Variants in CREB3L2 observed in about 807,000 individuals in gnomAD.
CREB3L2 encodes the protein cyclic AMP-responsive element-binding protein 3-like protein 2.
Under a neutral mutation model 57.2 loss-of-function variants are expected in CREB3L2, and 23 were observed. The observed-to-expected ratio is 0.40, with a 90% CI of 0.29 to 0.57. The LOEUF (loss-of-function observed/expected upper bound fraction) is 0.57, where lower values mean the gene tolerates loss of function less well. CREB3L2 is among the 20% of genes least tolerant of loss of function. The probability of loss-of-function intolerance (pLI) is 0.42; values close to 1 mark genes in which losing one functional copy is unlikely to be tolerated. For missense variants in CREB3L2, 628 were observed against 634.7 expected, an observed-to-expected ratio of 0.99 and a Z score of 0.11; for synonymous variants, 268 against 265.1, an observed-to-expected ratio of 1.01 and a Z score of -0.11.
chr7:137,878,053 G>A lies in CREB3L2; in HGVS notation c.*2423C>T, dbSNP rs79222065. 7.5e-4 allele frequency: 171 copies of A among 229,236 alleles called. 1 individual carries two copies. The highest frequency in any genetic ancestry group is 3.3e-3 in the African/African-American group (147 of 45,184). The allele number at this position is 229,236 out of a possible 1,614,324, so 14.2% of individuals were successfully genotyped here. A position where few individuals can be genotyped will look rare whatever the true frequency, so the allele number is the denominator to read the frequency against. On this transcript the variant is annotated 3_prime_UTR_variant, in exon 12 of 12. Coordinates refer to ENST00000330387, the MANE Select transcript of CREB3L2 (RefSeq NM_194071.4). ...GGGCCATCTGAGCTCTCTGCCTAAC[G>A]TCCCATTGTCTACATAGATTCCGTT...
chr7:137,903,790 C>A (rs1412015025), intron 7 of CREB3L2, among the ~76,000 whole-genome samples, 169 bp downstream of exon 7: 1 of 152,182 alleles, frequency 6.6e-6, no homozygotes, highest in Non-Finnish European at 1.5e-5. Context: ...TTATTATAGA[C>A]GTCTCCTCCA....
At chr7:137,886,822 GCT>G (rs1468866510) in intron 8 of CREB3L2, among the ~76,000 whole-genome samples, 1 of 152,004 alleles carries the variant, frequency 6.6e-6, no homozygotes, top group African/African-American at 2.4e-5. Context: ...TATATACTCT[GCT>G]CTGTGTGACA....
At chr7:137,933,301 C>T (rs1800698086) in intron 1 of CREB3L2, among the ~76,000 whole-genome samples, 2 of 152,226 alleles carry the variant, frequency 1.3e-5, no homozygotes, top group African/African-American at 4.8e-5. Context: ...GGTCAAGTCC[C>T]GATCTGCTGT....
At chr7:137,924,517 A>T (rs1486186694) in intron 2 of CREB3L2, among the ~76,000 whole-genome samples, 2 of 152,254 alleles carry the variant, frequency 1.3e-5, no homozygotes, top group African/African-American at 4.8e-5. Flanking sequence ...GTGGTGAGGT[A>T]CAAGACTTGG....
intron 2 of CREB3L2, among the ~76,000 whole-genome samples, chr7:137,927,367 A>C (rs560388857): frequency 6.9e-6 from 1 of 144,256 alleles, no homozygotes; most frequent in East Asian, 2.1e-4. Context: ...AAAAAGAAGA[A>C]AGAAAAGAGA....
At chr7:137,946,774 C>CTATATAGTTATCTATATAGTTA (rs1563262168) in intron 1 of CREB3L2, among the ~76,000 whole-genome samples, 1 of 31,992 alleles carries the variant, frequency 3.1e-5, no homozygotes, top group Non-Finnish European at 6.8e-5. Context: ...GTTTAGTTAT[C>CTATATAGTTATCTATATAGTTA]TATATAGTTA....
rs1196026057 is a variant in CREB3L2, at chr7:137,928,283, C to A, written c.186G>T (p.Val62=). ...TCGGGGAAGGTTCCACCTCCATTGA[C>A]ACACTCTTCTCTGAGAGGAAAGGAT... is the stretch of plus-strand genomic sequence containing the variant. The part of the protein sequence containing the change: ...LNDPFLSEKS[V]SMEVEPSPTS... Residue 62 remains valine, a synonymous_variant, in exon 2 of 12, where the codon GTG becomes GTT. Transcript: ENST00000330387. The A allele has an allele frequency of 4.3e-6, 7 of 1,614,152 alleles. No individual in the cohort carries two copies. Among genetic ancestry groups the A allele is most frequent in the East Asian group, 2.2e-5 (1 of 44,880 alleles).
chr7:137,953,555 G>A (rs1801144680), intron 1 of CREB3L2: 5 of 1,275,162 alleles, frequency 3.9e-6, no homozygotes, highest in Non-Finnish European at 5.1e-6. Flanking sequence ...GGGGAGAGTT[G>A]GGTGGGTGAT....
chr7:137,958,941 A>G (rs1366782599), intron 1 of CREB3L2, among the ~76,000 whole-genome samples: 1 of 152,254 alleles, frequency 6.6e-6, no homozygotes, highest in African/African-American at 2.4e-5. Context: ...GTAAAAACTT[A>G]AGTAATTCTT....
At chr7:137,907,929 A>G (rs945301819) in intron 5 of CREB3L2, among the ~76,000 whole-genome samples, 1 of 152,250 alleles carries the variant, frequency 6.6e-6, no homozygotes. Flanking sequence ...AAATTAATGC[A>G]AATATTTATG....
At chr7:137,889,059 A>T (rs1428871671) in intron 8 of CREB3L2, among the ~76,000 whole-genome samples, 1 of 148,656 alleles carries the variant, frequency 6.7e-6, no homozygotes, top group East Asian at 1.9e-4. Context: ...CCCATCCCCT[A>T]CCCCTTGCCT....
chr7:137,928,095 A>C, intron 2 of CREB3L2, 55 bp downstream of exon 2: 2 of 1,359,490 alleles, frequency 1.5e-6, no homozygotes, highest in Non-Finnish European at 2.1e-6. Context: ...CACACCCTCA[A>C]GAGCTCAGAA....
intron 1 of CREB3L2, among the ~76,000 whole-genome samples, chr7:137,984,808 C>T (rs1267364971): frequency 6.6e-6 from 1 of 152,192 alleles, no homozygotes; most frequent in Non-Finnish European, 1.5e-5. Context: ...AAAGAACAAA[C>T]TTCTCCATGA....
chr7:137,960,805 A>ATTT (rs1338965683), intron 1 of CREB3L2, among the ~76,000 whole-genome samples: 1 of 81,960 alleles, frequency 1.2e-5, no homozygotes. Context: ...AAACTAAATT[A>ATTT]TTTCTTTTTT....
At chr7:137,937,036 G>A (rs1800799285) in intron 1 of CREB3L2, among the ~76,000 whole-genome samples, 1 of 152,150 alleles carries the variant, frequency 6.6e-6, no homozygotes, top group Non-Finnish European at 1.5e-5. Context: ...AGAGGCCCAA[G>A]GCCTGCCGGG....
rs76168717 is a variant in CREB3L2 at position 137,966,655 on chromosome 7, A to G, written c.102+34949T>C. Among the ~76,000 whole-genome samples, 1,168 of 152,346 alleles carry G rather than the reference A, an allele frequency of 7.7e-3. 16 individuals carry two copies. Among genetic ancestry groups the G allele is most frequent in the African/African-American group, 0.026 (1,095 of 41,586 alleles). ...TCATGCCTCTCAAATAAAAATAATAAGGAAATTTTAAAAAGAAAAATCGTA... is the reference window on the plus strand; with the variant it reads ...TCATGCCTCTCAAATAAAAATAATAGGGAAATTTTAAAAAGAAAAATCGTA... On this transcript the variant is annotated intron_variant, in intron 1 of 11. Coordinates refer to ENST00000330387, the MANE Select transcript of CREB3L2 (RefSeq NM_194071.4).
chr7:137,995,023 T>C (rs1332397069), intron 1 of CREB3L2, among the ~76,000 whole-genome samples: 1 of 152,188 alleles, frequency 6.6e-6, no homozygotes, highest in African/African-American at 2.4e-5. Flanking sequence ...ATAATATAAA[T>C]CCCATTCTCC....
At chr7:137,950,787 T>C (rs1801079743) in intron 1 of CREB3L2, among the ~76,000 whole-genome samples, 1 of 152,192 alleles carries the variant, frequency 6.6e-6, no homozygotes, top group Admixed American at 6.5e-5. Context: ...AATTGCAATA[T>C]TACAGGAGAA....
intron 1 of CREB3L2, among the ~76,000 whole-genome samples, chr7:137,955,939 C>A (rs1801201182): frequency 6.6e-6 from 1 of 152,200 alleles, no homozygotes; most frequent in African/African-American, 2.4e-5. Flanking sequence ...TGGACACATT[C>A]AAGTCCTAGT....
Sources: allele counts gnomAD v4.1 joint callset (sites outside exome capture counted in the v4.1 genomes callset), GRCh38; gene constraint gnomAD v4.1.1; transcripts MANE v1.5; gene names NCBI Gene and HGNC (gene_info 2026-07-23, HGNC 2026-07-21).